Variants in TSGA10 observed in about 807,000 individuals in gnomAD.
The protein encoded by TSGA10 is testis specific 10, also known as testis-specific gene 10 protein.
Under a neutral mutation model 96.6 loss-of-function variants are expected in TSGA10, and 43 were observed. That is an observed-to-expected ratio of 0.44 (90% CI 0.35 to 0.57). The LOEUF is 0.57. Among genes scored for constraint, TSGA10 ranks in the 20% least tolerant of loss-of-function variants. The pLI is 0.01. For missense variants in TSGA10, 703 were observed against 834.4 expected (o/e 0.84, Z 1.94); for synonymous variants, 229 against 269.9 (o/e 0.85, Z 1.48).
chr2:99,018,569 G>GT lies in TSGA10; in HGVS notation c.1888dup (p.Thr630AsnfsTer11), dbSNP rs748483471. The GT allele has an allele frequency of 2.2e-5, 36 of 1,613,852 alleles. No homozygotes were observed. Among genetic ancestry groups the GT allele is most frequent in the Admixed American group, 3.3e-5 (2 of 59,976 alleles). The stretch of plus-strand genomic sequence containing the variant: ...GCGCTCTGTTCCTAGTTGTCTTTTG[G>GT]TAATGTCTAAATCAGCTTCCAATTG... On this transcript the variant is annotated frameshift_variant, in exon 19 of 21. Coordinates refer to ENST00000393483, the MANE Select transcript of TSGA10 (RefSeq NM_025244.4). LOFTEE classifies it high-confidence loss of function.
intron 16 of TSGA10, among the ~76,000 whole-genome samples, chr2:99,038,983 G>C (rs1305823286): frequency 6.6e-6 from 1 of 151,958 alleles, no homozygotes; most frequent in Non-Finnish European, 1.5e-5. Context: ...ACCTCCAATA[G>C]GAACCCTCAA....
intron 10 of TSGA10, chr2:99,102,504 C>T: frequency 6.2e-7 from 1 of 1,613,902 alleles, no homozygotes; most frequent in Non-Finnish European, 8.5e-7. Context: ...GAAATGTGAC[C>T]CGGCTCCATT....
At chr2:99,129,312 A>G (rs1043850954) in intron 1 of TSGA10, among the ~76,000 whole-genome samples, 2 of 152,230 alleles carry the variant, frequency 1.3e-5, no homozygotes, top group African/African-American at 4.8e-5. Flanking sequence ...AACTCTCTCT[A>G]TCCCCATTAA....
chr2:99,146,427 T>C lies in TSGA10; in HGVS notation c.-621+8266A>G, dbSNP rs191702233. 2.2e-3 allele frequency among the ~76,000 whole-genome samples: 335 copies of C among 152,320 alleles called. 1 individual carries two copies. The highest frequency in any genetic ancestry group is 0.01 in the Middle Eastern group (3 of 294). ...ACAGAAAATATCTCCTTCCAGTCTC[T>C]TATCTATCTTTTTGTTTATATTTTT... On this transcript the variant is annotated intron_variant, in intron 1 of 20. Transcript: ENST00000393483.
chr2:99,060,365 T>C (rs1034791179), intron 16 of TSGA10, among the ~76,000 whole-genome samples: 1 of 152,086 alleles, frequency 6.6e-6, no homozygotes, highest in African/African-American at 2.4e-5. Context: ...TGAGATAATA[T>C]GGGATACATT....
chr2:99,111,999 A>G (rs1338462834), intron 4 of TSGA10, among the ~76,000 whole-genome samples: 2 of 152,198 alleles, frequency 1.3e-5, no homozygotes, highest in Admixed American at 1.3e-4. Context: ...TGATTATGGT[A>G]GATGTTATTT....
chr2:99,150,501 A>G, intron 1 of TSGA10: 2 of 1,552,370 alleles, frequency 1.3e-6, no homozygotes, highest in Non-Finnish European at 1.7e-6. Context: ...TTGAAGAAAC[A>G]CTTCCACTAC....
intron 15 of TSGA10, among the ~76,000 whole-genome samples, chr2:99,067,037 A>C (rs964424866): frequency 2.0e-5 from 3 of 152,242 alleles, no homozygotes; most frequent in Non-Finnish European, 2.9e-5. Flanking sequence ...TAGTTCTAAC[A>C]AAAGCTTCTG....
Position 99,010,079 on chromosome 2 carries a change from A to G in TSGA10, c.2072+8121T>C, listed in dbSNP as rs1287457844. Among the ~76,000 whole-genome samples the G allele has an allele frequency of 2.6e-5, 4 of 152,380 alleles. No homozygotes were observed. The East Asian group carries it at 5.8e-4, about 22-fold the overall frequency. On this transcript the variant is annotated intron_variant, in intron 20 of 20. Coordinates refer to ENST00000393483, the MANE Select transcript of TSGA10 (RefSeq NM_025244.4). The stretch of plus-strand genomic sequence containing the variant: ...AATATATCTAAAATATTTTCCTCTA[A>G]AAAACAAGCTGATTACTTTCCTAGA...
At chr2:99,141,102 C>A in intron 1 of TSGA10, 2 of 1,284,700 alleles carry the variant, frequency 1.6e-6, no homozygotes, top group Non-Finnish European at 2.0e-6. Context: ...CGGGTCCCTC[C>A]CCGGGCTCCT....
intron 4 of TSGA10, among the ~76,000 whole-genome samples, chr2:99,116,976 T>C (rs2092305453): frequency 6.6e-6 from 1 of 152,236 alleles, no homozygotes; most frequent in Non-Finnish European, 1.5e-5. Context: ...AGAATTTATA[T>C]CTTCTCTATA....
At chr2:99,039,011 G>A (rs1332950299) in intron 16 of TSGA10, among the ~76,000 whole-genome samples, 2 of 152,010 alleles carry the variant, frequency 1.3e-5, no homozygotes, top group Non-Finnish European at 2.9e-5. Flanking sequence ...AAAATATATG[G>A]ACATTAAATA....
chr2:99,035,311 A>T lies in TSGA10; in HGVS notation c.1533T>A (p.Thr511=), dbSNP rs1417290342. 6.2e-7 allele frequency: 1 copy of T among 1,613,140 alleles called. No individual in the cohort carries two copies. Among genetic ancestry groups the T allele is most frequent in the Non-Finnish European group, 8.5e-7 (1 of 1,179,376 alleles). Residue 511 remains threonine, a synonymous_variant, in exon 17 of 21, where the codon ACT becomes ACA. Transcript: ENST00000393483. ...AGTCAAGTTTAATACAGAGTTCCCTAGTAGAAGACAAATCTGCAAGAGCGG... is the reference window on the plus strand; with the variant it reads ...AGTCAAGTTTAATACAGAGTTCCCTTGTAGAAGACAAATCTGCAAGAGCGG... The part of the protein sequence containing the change: ...KVSALADLSS[T]RELCIKLDSS...
intron 1 of TSGA10, among the ~76,000 whole-genome samples, chr2:99,145,581 T>C (rs975269152): frequency 6.7e-6 from 1 of 148,898 alleles, no homozygotes; most frequent in Non-Finnish European, 1.5e-5. Flanking sequence ...AAAAAGACCC[T>C]TGTGATTACA....
intron 2 of TSGA10, among the ~76,000 whole-genome samples, chr2:99,122,501 C>T (rs112107291): frequency 1.3e-5 from 2 of 150,154 alleles, no homozygotes; most frequent in Non-Finnish European, 3.0e-5. Context: ...AAATTTGAAT[C>T]GGAGTAGTGG....
intron 16 of TSGA10, among the ~76,000 whole-genome samples, chr2:99,060,679 C>A (rs1015294933): frequency 2.0e-5 from 3 of 152,112 alleles, no homozygotes; most frequent in Non-Finnish European, 4.4e-5. Context: ...TTAACTAACT[C>A]ATTTCAAGAT....
chr2:99,054,873 G>T (rs896186517), intron 16 of TSGA10, among the ~76,000 whole-genome samples: 1 of 152,184 alleles, frequency 6.6e-6, no homozygotes, highest in African/African-American at 2.4e-5. Flanking sequence ...GTGAGGATAT[G>T]GAGAAAAGGA....
At chr2:99,127,695 AG>A (rs1329469175) in intron 1 of TSGA10, among the ~76,000 whole-genome samples, 3 of 110,336 alleles carry the variant, frequency 2.7e-5, no homozygotes, top group Non-Finnish European at 4.2e-5. Flanking sequence ...CTCAACCTTT[AG>A]TGACACAAAT....
At chr2:99,152,785 G>C (rs780016362) in intron 1 of TSGA10, among the ~76,000 whole-genome samples, 19 of 152,188 alleles carry the variant, frequency 1.2e-4, no homozygotes, top group Non-Finnish European at 2.8e-4. Context: ...CGGAAAGTGA[G>C]GAAGAAGAAA....
Sources: gnomAD v4.1 joint callset for allele counts (sites outside exome capture counted in the v4.1 genomes callset) on GRCh38, gnomAD v4.1.1 for gene constraint, MANE v1.5 for transcripts, NCBI Gene and HGNC (gene_info 2026-07-23, HGNC 2026-07-21) for gene names.